SCFD2: variants seen among roughly 807,000 people sequenced by gnomAD.
SCFD2 encodes sec1 family domain-containing protein 2.
A neutral mutation model predicts 58.9 loss-of-function variants in SCFD2; 54 were observed. The ratio of observed to expected loss-of-function variants is 0.92; its 90% confidence interval spans 0.74 to 1.15. The LOEUF (loss-of-function observed/expected upper bound fraction) is 1.15. Ranked by LOEUF, SCFD2 falls within the 50% of genes most tolerant of loss-of-function variation. The pLI, the probability that SCFD2 is intolerant of heterozygous loss-of-function variation, is 0.00. For synonymous variants in SCFD2, 321 were observed against 335.9 expected, an observed-to-expected ratio of 0.96 and a Z score of 0.49; for missense variants, 805 against 836.6, an observed-to-expected ratio of 0.96 and a Z score of 0.47.
chr4:52,951,796 T>C lies in SCFD2; in HGVS notation c.1562-30926A>G, dbSNP rs553494471. ...ATCAGCCTGGATCTTTGAGAAAGTA[T>C]GTGAAACACAAACCTCACTGAGCCA... On this transcript the variant is annotated intron_variant, in intron 5 of 8. Coordinates refer to ENST00000401642, the MANE Select transcript of SCFD2 (RefSeq NM_152540.4). Among the ~76,000 whole-genome samples the C allele has an allele frequency of 2.4e-4, 37 of 152,322 alleles. 1 individual carries two copies. The highest frequency in any genetic ancestry group is 8.4e-4 in the African/African-American group (35 of 41,582).
At chr4:53,208,890 T>TTGCC (rs1347380181) in intron 4 of SCFD2, among the ~76,000 whole-genome samples, 1 of 152,170 alleles carries the variant, frequency 6.6e-6, no homozygotes, top group African/African-American at 2.4e-5. Flanking sequence ...CTTTGAAAGT[T>TTGCC]TGCCTGCCTG....
At position 53,231,188 on chromosome 4, in the gene SCFD2, C is replaced by T. The variant is rs188949576; in HGVS notation, c.1311+42638G>A. On this transcript the variant is annotated intron_variant, in intron 4 of 8. Coordinates refer to ENST00000401642, the MANE Select transcript of SCFD2 (RefSeq NM_152540.4). ...GAAAACTAGTTTTTTAAAAAAAAACCCTTCTTAATACTGAACAAAGTGTTT... is the reference window on the plus strand; with the variant it reads ...GAAAACTAGTTTTTTAAAAAAAAACTCTTCTTAATACTGAACAAAGTGTTT... Among the ~76,000 whole-genome samples, 70 of 151,948 alleles carry T rather than the reference C, an allele frequency of 4.6e-4. No homozygotes were observed. In the East Asian group the frequency reaches 0.011, roughly 24 times the overall value.
At chr4:53,260,455 C>T (rs1373371242) in intron 4 of SCFD2, among the ~76,000 whole-genome samples, 3 of 152,074 alleles carry the variant, frequency 2.0e-5, no homozygotes, top group Admixed American at 1.3e-4. Context: ...TGGATTTTGT[C>T]CATTGCTTTT....
At chr4:53,242,746 A>C (rs570852843) in intron 4 of SCFD2, among the ~76,000 whole-genome samples, 1 of 152,230 alleles carries the variant, frequency 6.6e-6, no homozygotes, top group African/African-American at 2.4e-5. Flanking sequence ...AAAATGATAC[A>C]GGAGCTGACA....
Position 53,245,308 on chromosome 4 carries a change from G to A in SCFD2, c.1311+28518C>T, listed in dbSNP as rs565563312. ...ACCTGGTGGAGACATCAAAAAAAGG[G>A]GAAAACTTCAGGCCAATATCCTTGG... On this transcript the variant is annotated intron_variant, in intron 4 of 8. Transcript: ENST00000401642. 2.0e-5 allele frequency among the ~76,000 whole-genome samples: 3 copies of A among 152,064 alleles called. No homozygotes were observed. In the South Asian group the frequency reaches 6.2e-4, roughly 32 times the overall value.
intron 5 of SCFD2, among the ~76,000 whole-genome samples, chr4:53,119,078 G>A (rs887392465): frequency 1.3e-5 from 2 of 152,142 alleles, no homozygotes; most frequent in African/African-American, 4.8e-5. Context: ...AGCACATTGG[G>A]AAGCCGAGGT....
At chr4:53,068,575 T>C (rs1371012372) in intron 5 of SCFD2, among the ~76,000 whole-genome samples, 2 of 152,108 alleles carry the variant, frequency 1.3e-5, no homozygotes, top group East Asian at 3.9e-4. Flanking sequence ...ATATTCTACA[T>C]AGTAACCAAA....
chr4:52,904,506 T>C (rs1719298399), intron 7 of SCFD2, among the ~76,000 whole-genome samples: 1 of 152,180 alleles, frequency 6.6e-6, no homozygotes, highest in Admixed American at 6.5e-5. Flanking sequence ...ACATTTATTC[T>C]CCTGGGGAGC....
chr4:53,070,667 T>G (rs977220601), intron 5 of SCFD2, among the ~76,000 whole-genome samples: 6 of 152,112 alleles, frequency 3.9e-5, no homozygotes, highest in Non-Finnish European at 8.8e-5. Flanking sequence ...ATTTACTGGT[T>G]GGCTGATTAT....
chr4:52,938,593 G>T (rs913561700), intron 5 of SCFD2, among the ~76,000 whole-genome samples: 2 of 152,156 alleles, frequency 1.3e-5, no homozygotes, highest in Admixed American at 6.5e-5. Context: ...GGTCTGTACT[G>T]CTTGTTGTGA....
At chr4:53,265,139 GT>G (rs1730944603) in intron 4 of SCFD2, among the ~76,000 whole-genome samples, 1 of 152,120 alleles carries the variant, frequency 6.6e-6, no homozygotes. Context: ...ATAAGTTATA[GT>G]CAAAATAAAA....
chr4:53,081,342 C>T (rs112327719), intron 5 of SCFD2, among the ~76,000 whole-genome samples: 2,216 of 152,142 alleles, frequency 0.015, 20 homozygotes, highest in Middle Eastern at 0.034. Flanking sequence ...GTTTGGAGTA[C>T]GGATCCCATC....
intron 5 of SCFD2, among the ~76,000 whole-genome samples, chr4:52,953,407 A>C (rs1372848106): frequency 6.6e-6 from 1 of 152,200 alleles, no homozygotes; most frequent in Non-Finnish European, 1.5e-5. Context: ...CTATGTCTAC[A>C]AGATAGACAA....
intron 5 of SCFD2, among the ~76,000 whole-genome samples, chr4:53,064,020 A>G (rs1415561816): frequency 6.6e-6 from 1 of 151,790 alleles, no homozygotes; most frequent in Non-Finnish European, 1.5e-5. Flanking sequence ...TCCTTTTTAT[A>G]TAAAATATCA....
chr4:52,917,267 C>T (rs1285948255), intron 6 of SCFD2, among the ~76,000 whole-genome samples: 1 of 152,076 alleles, frequency 6.6e-6, no homozygotes, highest in African/African-American at 2.4e-5. Context: ...TATGAGAGAG[C>T]AACTATTATT....
chr4:52,996,601 G>A (rs1016377), intron 5 of SCFD2, among the ~76,000 whole-genome samples: 6,616 of 152,264 alleles, frequency 0.043, 217 homozygotes, highest in African/African-American at 0.078. Flanking sequence ...GCAGCTATAG[G>A]AGTATATGCG....
At chr4:53,302,909 T>A (rs535224676) in intron 3 of SCFD2, among the ~76,000 whole-genome samples, 1 of 152,302 alleles carries the variant, frequency 6.6e-6, no homozygotes, top group African/African-American at 2.4e-5. Context: ...TATAGAGAGC[T>A]GAAACTGGAT....
intron 4 of SCFD2, among the ~76,000 whole-genome samples, chr4:53,270,504 G>A (rs548213578): frequency 6.6e-6 from 1 of 152,162 alleles, no homozygotes; most frequent in African/African-American, 2.4e-5. Context: ...AGTATGCCTG[G>A]TCAATGCACT....
chr4:52,888,096 G>C (rs1718786482), intron 7 of SCFD2, among the ~76,000 whole-genome samples: 1 of 151,580 alleles, frequency 6.6e-6, no homozygotes, highest in Non-Finnish European at 1.5e-5. Flanking sequence ...ATTTTTAGTA[G>C]AGACGGGGTT....
Sources: gnomAD v4.1 joint callset for allele counts (sites outside exome capture counted in the v4.1 genomes callset) on GRCh38, gnomAD v4.1.1 for gene constraint, MANE v1.5 for transcripts, NCBI Gene and HGNC (gene_info 2026-07-23, HGNC 2026-07-21) for gene names.